The following LINGO1 variants were observed in gnomAD, a reference collection of about 807,000 sequenced individuals.
LINGO1 encodes leucine-rich repeat and immunoglobulin-like domain-containing nogo receptor-interacting protein 1.
A neutral mutation model predicts 37.3 loss-of-function variants in LINGO1; 11 were observed. The observed-to-expected ratio is 0.29, with a 90% CI of 0.19 to 0.49. The LOEUF is 0.49. Among genes scored for constraint, LINGO1 ranks in the 20% least tolerant of loss-of-function variants. The pLI is 0.99. For synonymous variants in LINGO1, 387 were observed against 403.0 expected (o/e 0.96, Z 0.48); for missense variants, 585 against 878.2 (o/e 0.67, Z 4.22).
intron 2 of LINGO1, among the ~76,000 whole-genome samples, chr15:77,794,878 T>C (rs565757651): frequency 6.6e-6 from 1 of 152,264 alleles, no homozygotes; most frequent in African/African-American, 2.4e-5. Flanking sequence ...TGGTGCTAAC[T>C]GGGCTTCGGA....
intron 2 of LINGO1, among the ~76,000 whole-genome samples, chr15:77,680,929 A>C (rs936570150): frequency 6.6e-6 from 1 of 152,194 alleles, no homozygotes; most frequent in Non-Finnish European, 1.5e-5. Flanking sequence ...CAACACGAGG[A>C]ACAAGGAGAA....
At chr15:77,673,439 C>T (rs909782481) in intron 3 of LINGO1, among the ~76,000 whole-genome samples, 1 of 102,430 alleles carries the variant, frequency 9.8e-6, no homozygotes, top group African/African-American at 4.3e-5. Flanking sequence ...CTATGGTCAC[C>T]TGTGACCTCG....
rs184364552 is a variant in LINGO1, at chr15:77,736,580, T to C, written c.-256-1527A>G. On this transcript the variant is annotated intron_variant, in intron 1 of 3. Transcript: ENST00000561686. ...GAGTTCAAGACCAGCCTGGGTGACA[T>C]AGCAAGACCCTGTCTCTACAAAAAA... Among the ~76,000 whole-genome samples the C allele has an allele frequency of 3.3e-5, 5 of 151,934 alleles. No homozygotes were observed. In the East Asian group the frequency reaches 5.8e-4, roughly 18 times the overall value.
intron 1 of LINGO1, among the ~76,000 whole-genome samples, chr15:77,810,056 A>G (rs2076991145): frequency 6.6e-6 from 1 of 151,882 alleles, no homozygotes; most frequent in African/African-American, 2.4e-5. Flanking sequence ...TAAGCCCAAC[A>G]GTAAGCCTGG....
At chr15:77,812,523 C>T (rs1425148185) in intron 1 of LINGO1, among the ~76,000 whole-genome samples, 1 of 152,196 alleles carries the variant, frequency 6.6e-6, no homozygotes, top group Non-Finnish European at 1.5e-5. Context: ...TGCTCCAACT[C>T]CCCCTCCTCC....
intron 2 of LINGO1, among the ~76,000 whole-genome samples, chr15:77,730,911 T>A (rs944582638): frequency 1.3e-5 from 2 of 152,216 alleles, no homozygotes; most frequent in Non-Finnish European, 2.9e-5. Flanking sequence ...GTCCTGGGAC[T>A]GCCCACTGAG....
chr15:77,702,966 G>A (rs781331233), intron 2 of LINGO1, among the ~76,000 whole-genome samples: 6 of 152,296 alleles, frequency 3.9e-5, no homozygotes, highest in South Asian at 2.1e-4. Flanking sequence ...GACACAGTCC[G>A]GCCACACAGA....
chr15:77,757,859 G>A (rs568004047), intron 1 of LINGO1, among the ~76,000 whole-genome samples: 41 of 152,324 alleles, frequency 2.7e-4, no homozygotes, highest in African/African-American at 9.4e-4. Context: ...CCCCCATAAG[G>A]AGCCCAACCT....
chr15:77,794,454 A>G (rs534400255), intron 2 of LINGO1, among the ~76,000 whole-genome samples: 3 of 70,454 alleles, frequency 4.3e-5, no homozygotes, highest in African/African-American at 1.8e-4. Flanking sequence ...ATACGTATAT[A>G]TGTGTATATA....
chr15:77,775,484 A>G (rs371643635), intron 1 of LINGO1, among the ~76,000 whole-genome samples: 1 of 152,138 alleles, frequency 6.6e-6, no homozygotes, highest in Non-Finnish European at 1.5e-5. Context: ...TGGAGCATCA[A>G]CTGGCTGGGT....
upstream of LINGO1, among the ~76,000 whole-genome samples, chr15:77,700,099 G>A (rs2075763384): frequency 6.6e-6 from 1 of 152,136 alleles, no homozygotes; most frequent in Admixed American, 6.5e-5. Context: ...CAGCAGAGGG[G>A]AGGGCTGAGG....
intron 2 of LINGO1, among the ~76,000 whole-genome samples, chr15:77,710,308 T>C (rs2075903176): frequency 6.6e-6 from 1 of 152,226 alleles, no homozygotes; most frequent in African/African-American, 2.4e-5. Context: ...GGCCCAGCTC[T>C]AAATGCTGGT....
chr15:77,812,200 C>T (rs982493452), intron 1 of LINGO1, among the ~76,000 whole-genome samples: 7 of 152,248 alleles, frequency 4.6e-5, no homozygotes, highest in African/African-American at 9.6e-5. Flanking sequence ...CTTGTGACCA[C>T]ACCTCCCCCA....
Position 77,716,269 on chromosome 15 carries a change from T to A in LINGO1, c.-195+18723A>T, listed in dbSNP as rs994115554. On this transcript the variant is annotated intron_variant, in intron 2 of 3. Transcript: ENST00000561686. ...TCCCCACTTTGGGCTATTTTCTTTC[T>A]TCTTCTTCTTCTTTTTTTTTTTTTT... Among the ~76,000 whole-genome samples the A allele has an allele frequency of 8.6e-5, 11 of 127,400 alleles. 1 individual carries two copies. The Admixed American group carries it at 9.9e-4, about 11-fold the overall frequency. The allele number at this position is 127,400 out of a possible 152,430, so 83.6% of individuals were successfully genotyped here.
intron 1 of LINGO1, among the ~76,000 whole-genome samples, chr15:77,742,683 AT>A (rs2076276006): frequency 6.6e-6 from 1 of 152,214 alleles, no homozygotes; most frequent in South Asian, 2.1e-4. Context: ...CATAACTTTC[AT>A]TTAGCCTGCT....
chr15:77,772,551 G>A (rs541098351), intron 1 of LINGO1, among the ~76,000 whole-genome samples: 1 of 152,184 alleles, frequency 6.6e-6, no homozygotes, highest in Admixed American at 6.5e-5. Context: ...CGCTGTCAAC[G>A]CCCCAAATCC....
At chr15:77,787,894 G>A (rs1314011862), upstream of LINGO1, 1 of 152,192 alleles carries the variant, frequency 6.6e-6, no homozygotes, top group Non-Finnish European at 1.5e-5. Flanking sequence ...CCCAGAACCT[G>A]CAGACTAAAT....
At chr15:77,739,055 G>GC (rs1252714780) in intron 1 of LINGO1, among the ~76,000 whole-genome samples, 2 of 152,210 alleles carry the variant, frequency 1.3e-5, no homozygotes, top group African/African-American at 4.8e-5. Flanking sequence ...AGGCCCAGCA[G>GC]CCCCCACCCC....
At chr15:77,627,037 C>T (rs2074115444) in intron 1 of LINGO1, among the ~76,000 whole-genome samples, 1 of 149,022 alleles carries the variant, frequency 6.7e-6, no homozygotes, top group Non-Finnish European at 1.5e-5. Flanking sequence ...CTCCCAGAGG[C>T]GAGAGCAGGT....
Sources: gnomAD v4.1 joint callset for allele counts (sites outside exome capture counted in the v4.1 genomes callset) on GRCh38, gnomAD v4.1.1 for gene constraint, MANE v1.5 for transcripts, NCBI Gene and HGNC (gene_info 2026-07-23, HGNC 2026-07-21) for gene names.